The following ATG2B variants were observed in gnomAD, a reference collection of about 807,000 sequenced individuals.
The protein encoded by ATG2B is autophagy-related protein 2 homolog B.
ATG2B carries 121 observed loss-of-function variants against 241.3 expected under a neutral mutation model. The ratio of observed to expected loss-of-function variants is 0.50; its 90% CI spans 0.43 to 0.58. The LOEUF is 0.58. Ranked by LOEUF, ATG2B falls within the 20% of genes least tolerant of loss-of-function variation. The probability of loss-of-function intolerance (pLI) is 0.00; values close to 1 mark genes in which losing one functional copy is unlikely to be tolerated. For missense variants in ATG2B, 2,306 were observed against 2,491.6 expected, an observed-to-expected ratio of 0.93 and a Z score of 1.59; for synonymous variants, 858 against 876.6, an observed-to-expected ratio of 0.98 and a Z score of 0.37.
chr14:96,320,443 G>C (rs191788005), intron 18 of ATG2B, among the ~76,000 whole-genome samples: 89 of 151,706 alleles, frequency 5.9e-4, no homozygotes, highest in African/African-American at 2.1e-3. Flanking sequence ...AAAGAAACTG[G>C]AACTAAAAAC....
At chr14:96,299,348 C>T (rs1410140538) in intron 34 of ATG2B, among the ~76,000 whole-genome samples, 1 of 152,192 alleles carries the variant, frequency 6.6e-6, no homozygotes, top group African/African-American at 2.4e-5. Flanking sequence ...TCTGGTCAGG[C>T]ATACCATCCC....
chr14:96,311,879 C>T (rs1270103226), intron 26 of ATG2B, among the ~76,000 whole-genome samples: 1 of 152,180 alleles, frequency 6.6e-6, no homozygotes, highest in Non-Finnish European at 1.5e-5. Context: ...AAGAACATTA[C>T]AATTTCAAAC....
intron 15 of ATG2B, among the ~76,000 whole-genome samples, chr14:96,325,251 T>A (rs1320964047): frequency 6.6e-6 from 1 of 151,930 alleles, no homozygotes; most frequent in African/African-American, 2.4e-5. Flanking sequence ...ACTGGAAAAA[T>A]AAACATATGG....
chr14:96,326,236 G>A (rs527927650), intron 14 of ATG2B, among the ~76,000 whole-genome samples: 2 of 152,150 alleles, frequency 1.3e-5, no homozygotes, highest in South Asian at 2.1e-4. Context: ...TAAAGAATAC[G>A]GTGTAAATTA....
At chr14:96,297,670 T>A (rs1886683060) in intron 34 of ATG2B, among the ~76,000 whole-genome samples, 2 of 152,336 alleles carry the variant, frequency 1.3e-5, no homozygotes, top group Admixed American at 6.5e-5. Context: ...GTGCTGAGAT[T>A]ACAGGCGTGA....
At chr14:96,341,731 A>T in intron 5 of ATG2B, 30 bp from the exon 6 acceptor site, 2 of 1,424,908 alleles carry the variant, frequency 1.4e-6, no homozygotes, top group Non-Finnish European at 1.9e-6. Flanking sequence ...ATAATTATTT[A>T]AAATACTTTC....
intron 34 of ATG2B, among the ~76,000 whole-genome samples, chr14:96,301,515 G>A (rs1312480507): frequency 1.3e-5 from 2 of 152,208 alleles, no homozygotes; most frequent in African/African-American, 2.4e-5. Context: ...GCTAGAATAC[G>A]GGAAAGTGGA....
Position 96,311,261 on chromosome 14 carries a change from A to G in ATG2B, c.4017T>C (p.Cys1339=). The change falls in exon 28 of 42, where the codon TGT becomes TGC. Residue 1339 remains cysteine (C), a synonymous_variant. Transcript: ENST00000359933. ...TTCTGATATGGACAACATCGCTGGA[A>G]CAGTGTAACTCAAAGCGGGGCTCAG... The part of the protein sequence containing the change: ...EQTEPRFELH[C]SSDVVHIRTC... 1 of 1,613,864 alleles carries G rather than the reference A, an allele frequency of 6.2e-7. No individual in the cohort carries two copies. Among genetic ancestry groups the G allele is most frequent in the Non-Finnish European group, 8.5e-7 (1 of 1,179,840 alleles).
chr14:96,308,503 A>G (rs576451961), intron 29 of ATG2B, among the ~76,000 whole-genome samples: 1 of 136,354 alleles, frequency 7.3e-6, no homozygotes, highest in Middle Eastern at 3.9e-3. Context: ...GGGTTTCACC[A>G]TGTTGCCGAG....
chr14:96,360,093 C>CT (rs1207466635), intron 1 of ATG2B, among the ~76,000 whole-genome samples: 4 of 152,244 alleles, frequency 2.6e-5, no homozygotes, highest in Non-Finnish European at 5.9e-5. Flanking sequence ...ACAGTAGAAT[C>CT]TTTGTAAAGA....
Position 96,317,148 on chromosome 14 carries a change from CA to C in ATG2B, c.3206del (p.Val1069GlyfsTer18), listed in dbSNP as rs1183105885. 3.1e-6 allele frequency: 5 copies of C among 1,602,890 alleles called. No homozygotes were observed. The highest frequency in any genetic ancestry group is 3.4e-6 in the Non-Finnish European group (4 of 1,174,572). On this transcript the variant is annotated frameshift_variant, in exon 20 of 42. Coordinates refer to ENST00000359933, the MANE Select transcript of ATG2B (RefSeq NM_018036.7). LOFTEE classifies it high-confidence loss of function. ...ACTTCGGATTTGTAAACCTCACCTT[CA>C]CATCTGTGAACACTGCTATTAATCC... ...NHGLIAVFTDVKQDNGDLLEN... is the reference protein window; with the variant it reads ...NHGLIAVFTDXKQDNGDLLEN...
In ATG2B at chr14:96,363,029, C is replaced by A. The variant is rs1365127758; in HGVS notation, c.-53G>T. 1.2e-6 allele frequency: 2 copies of A among 1,606,436 alleles called. No individual in the cohort carries two copies. Among genetic ancestry groups the A allele is most frequent in the East Asian group, 4.5e-5 (2 of 44,694 alleles). Reference sequence around the variant, plus strand: ...CGGCTGCGGGTTGCGACGGCTCCGGCCTCGGGGTAGCGACTCCGGCTCCAG... The same window carrying A: ...CGGCTGCGGGTTGCGACGGCTCCGGACTCGGGGTAGCGACTCCGGCTCCAG... On this transcript the variant is annotated 5_prime_UTR_variant, in exon 1 of 42. Transcript: ENST00000359933.
intron 37 of ATG2B, 90 bp downstream of exon 37, chr14:96,291,939 A>T (rs1432264707): frequency 2.2e-6 from 2 of 920,472 alleles, no homozygotes; most frequent in East Asian, 2.5e-5. Context: ...CATATATATA[A>T]ACTATGACAA....
Position 96,295,096 on chromosome 14 carries a change from G to C in ATG2B, c.5290C>G (p.Leu1764Val), listed in dbSNP as rs756685779. ...TTTGGCCCAGAGAAAGAAATAACCA[G>C]ATTTGGCTCCTTTGAGGTACTCAAA... ...RHLSTSKEPN[L>V]VISFSGPKQP... Residue 1764 changes from leucine (L) to valine (V), a missense_variant, in exon 36 of 42, where the codon CTG becomes GTG. Around this residue, in one of 2 missense-constraint regions of ATG2B, gnomAD observed 379 missense variants for 480.4 expected, o/e 0.79. Transcript: ENST00000359933. The C allele has an allele frequency of 5.0e-6, 8 of 1,614,160 alleles. No individual in the cohort carries two copies. Among genetic ancestry groups the C allele is most frequent in the African/African-American group, 1.3e-5 (1 of 75,030 alleles).
chr14:96,340,063 GC>G, intron 6 of ATG2B, among the ~76,000 whole-genome samples: 1 of 72,584 alleles, frequency 1.4e-5, no homozygotes, highest in Admixed American at 1.7e-4. Flanking sequence ...ATGAATATAT[GC>G]TATATGTGAT....
At chr14:96,355,683 A>G (rs971202090) in intron 1 of ATG2B, among the ~76,000 whole-genome samples, 1 of 152,208 alleles carries the variant, frequency 6.6e-6, no homozygotes, top group African/African-American at 2.4e-5. Flanking sequence ...TATCTTTCAC[A>G]GTACCTACCT....
Position 96,283,552 on chromosome 14 carries a change from G to T in ATG2B, c.*2203C>A, listed in dbSNP as rs1886257504. ...TAAAAAACCCTCCATTTACCAGGAG[G>T]GATGCTGAGGCTTACAGGGATCAGA... On this transcript the variant is annotated 3_prime_UTR_variant, in exon 42 of 42. Transcript: ENST00000359933. 1 of 152,188 alleles carries T rather than the reference G, an allele frequency of 6.6e-6. No individual in the cohort carries two copies. Among genetic ancestry groups the T allele is most frequent in the Admixed American group, 6.5e-5 (1 of 15,282 alleles). The allele number at this position is 152,188 out of a possible 1,614,324, so 9.4% of individuals were successfully genotyped here.
At chr14:96,316,857 A>T (rs1485325207) in intron 20 of ATG2B, among the ~76,000 whole-genome samples, 174 bp from the exon 21 acceptor site, 1 of 152,188 alleles carries the variant, frequency 6.6e-6, no homozygotes, top group East Asian at 1.9e-4. Flanking sequence ...GGATAACTTA[A>T]ATGCTATGTG....
intron 2 of ATG2B, among the ~76,000 whole-genome samples, chr14:96,346,738 T>G (rs987973843): frequency 6.6e-6 from 1 of 152,174 alleles, no homozygotes; most frequent in Non-Finnish European, 1.5e-5. Context: ...TCCTAGAGAT[T>G]TTTTATTTCA....
Sources: gnomAD v4.1 joint callset for allele counts (sites outside exome capture counted in the v4.1 genomes callset) on GRCh38, gnomAD v4.1.1 for gene constraint, gnomAD v4.1.1 regional missense constraint, MANE v1.5 for transcripts, NCBI Gene and HGNC (gene_info 2026-07-23, HGNC 2026-07-21) for gene names.